EPHA3: variants seen among roughly 807,000 people sequenced by gnomAD.
The protein encoded by EPHA3 is ephrin type-A receptor 3.
EPHA3 carries 42 observed loss-of-function variants against 107.1 expected under a neutral mutation model. The observed-to-expected ratio is 0.39, with a 90% CI of 0.31 to 0.51. The LOEUF is 0.51. Ranked by LOEUF, EPHA3 falls within the 20% of genes least tolerant of loss-of-function variation. The pLI is 0.78. For missense variants in EPHA3, 1,183 were observed against 1,211.2 expected (o/e 0.98, Z 0.35); for synonymous variants, 461 against 424.8 (o/e 1.09, Z -1.05).
At chr3:89,380,998 A>C (rs1159957316) in intron 5 of EPHA3, among the ~76,000 whole-genome samples, 1 of 150,360 alleles carries the variant, frequency 6.7e-6, no homozygotes. Flanking sequence ...TTTGAGACAG[A>C]GTCTCGCTCT....
chr3:89,233,027 A>T (rs193052286), intron 3 of EPHA3, among the ~76,000 whole-genome samples: 48 of 152,266 alleles, frequency 3.2e-4, no homozygotes, highest in African/African-American at 1.2e-3. Context: ...CTTTACTAAA[A>T]TATGGTAATT....
intron 13 of EPHA3, among the ~76,000 whole-genome samples, chr3:89,445,210 G>A (rs894768576): frequency 1.3e-5 from 2 of 152,088 alleles, no homozygotes; most frequent in African/African-American, 4.8e-5. Context: ...AGGTTGCAGT[G>A]AGCCGAGAAC....
intron 2 of EPHA3, among the ~76,000 whole-genome samples, chr3:89,168,210 C>A (rs1254440607): frequency 2.6e-5 from 4 of 152,108 alleles, no homozygotes; most frequent in Non-Finnish European, 5.9e-5. Context: ...TTGTCCTAGA[C>A]CTCTGGCTGA....
intron 5 of EPHA3, among the ~76,000 whole-genome samples, chr3:89,393,282 C>G (rs186255502): frequency 6.6e-6 from 1 of 152,156 alleles, no homozygotes; most frequent in African/African-American, 2.4e-5. Context: ...CCAACAGGGT[C>G]CTGCAGCTTG....
chr3:89,211,123 T>C (rs1246357183), intron 3 of EPHA3, among the ~76,000 whole-genome samples: 1 of 152,134 alleles, frequency 6.6e-6, no homozygotes, highest in Non-Finnish European at 1.5e-5. Flanking sequence ...TTTTGCACCA[T>C]GATTTGGCTC....
chr3:89,127,311 T>G, intron 2 of EPHA3, 38 bp downstream of exon 2: 131 of 1,483,110 alleles, frequency 8.8e-5, no homozygotes, highest in Non-Finnish European at 1.2e-4. Flanking sequence ...ACATTTTCTC[T>G]ATTACCTGTC....
chr3:89,267,124 G>T (rs1040016), intron 3 of EPHA3, among the ~76,000 whole-genome samples: 36,831 of 151,976 alleles, frequency 0.24, 4,915 homozygotes, highest in African/African-American at 0.37. Context: ...CTAAGGCAGA[G>T]CTAGAAAGGA....
At chr3:89,201,907 G>A (rs746464746) in intron 2 of EPHA3, among the ~76,000 whole-genome samples, 1 of 152,092 alleles carries the variant, frequency 6.6e-6, no homozygotes, top group African/African-American at 2.4e-5. Context: ...CATATCCACA[G>A]CCCGCTGCCC....
At chr3:89,184,711 C>T (rs1372126251) in intron 2 of EPHA3, among the ~76,000 whole-genome samples, 1 of 151,974 alleles carries the variant, frequency 6.6e-6, no homozygotes, top group Non-Finnish European at 1.5e-5. Flanking sequence ...AAGCAAAACT[C>T]TTGAAATGGA....
At chr3:89,110,105 G>A (rs987999278) in intron 1 of EPHA3, among the ~76,000 whole-genome samples, 1 of 151,070 alleles carries the variant, frequency 6.6e-6, no homozygotes, top group Non-Finnish European at 1.5e-5. Flanking sequence ...TGAGAGGAGT[G>A]GTGATTTAAA....
At chr3:89,128,904 T>A (rs536823579) in intron 2 of EPHA3, among the ~76,000 whole-genome samples, 26 of 152,182 alleles carry the variant, frequency 1.7e-4, no homozygotes, top group Middle Eastern at 6.8e-3. Flanking sequence ...ATAGATAATG[T>A]GATGGGATAG....
intron 15 of EPHA3, among the ~76,000 whole-genome samples, chr3:89,453,469 T>G (rs1710035966): frequency 6.6e-6 from 1 of 152,150 alleles, no homozygotes. Context: ...ACTAATTTGA[T>G]GTATTTTGTC....
intron 3 of EPHA3, among the ~76,000 whole-genome samples, chr3:89,313,215 TG>T (rs1371369434): frequency 6.6e-6 from 1 of 152,058 alleles, no homozygotes; most frequent in Non-Finnish European, 1.5e-5. Flanking sequence ...AAATTATTTT[TG>T]TTTCTAAATT....
chr3:89,273,942 G>A (rs1353310390), intron 3 of EPHA3, among the ~76,000 whole-genome samples: 1 of 151,842 alleles, frequency 6.6e-6, no homozygotes, highest in African/African-American at 2.4e-5. Flanking sequence ...CTAACAAAAA[G>A]CACAGAAATG....
At chr3:89,141,314 C>T (rs751810610) in intron 2 of EPHA3, among the ~76,000 whole-genome samples, 14 of 151,408 alleles carry the variant, frequency 9.2e-5, no homozygotes, top group African/African-American at 3.1e-4. Flanking sequence ...AGAGATCAGA[C>T]GGTCTACCAA....
At chr3:89,436,395 G>A (rs1025676325) in intron 13 of EPHA3, among the ~76,000 whole-genome samples, 10 of 152,260 alleles carry the variant, frequency 6.6e-5, no homozygotes, top group African/African-American at 1.9e-4. Context: ...AAAGTTTAAC[G>A]CAGTTCATCT....
At chr3:89,110,583 T>A (rs1430937083) in intron 1 of EPHA3, among the ~76,000 whole-genome samples, 1 of 152,012 alleles carries the variant, frequency 6.6e-6, no homozygotes, top group African/African-American at 2.4e-5. Context: ...GCAATTGGCC[T>A]ATATACTTAA....
intron 3 of EPHA3, among the ~76,000 whole-genome samples, chr3:89,243,377 T>C (rs1704954785): frequency 6.6e-6 from 1 of 152,182 alleles, no homozygotes; most frequent in Admixed American, 6.5e-5. Flanking sequence ...ACCAACAGTG[T>C]AAAAGTGTTC....
chr3:89,186,040 T>C (rs912008956), intron 2 of EPHA3, among the ~76,000 whole-genome samples: 6 of 151,950 alleles, frequency 3.9e-5, no homozygotes. Context: ...TCTCCTTCTT[T>C]CTCTTTTTTT....
Sources: gnomAD v4.1 joint callset for allele counts (sites outside exome capture counted in the v4.1 genomes callset) on GRCh38, gnomAD v4.1.1 for gene constraint, MANE v1.5 for transcripts, NCBI Gene and HGNC (gene_info 2026-07-23, HGNC 2026-07-21) for gene names.